CMTR1: variants seen among roughly 807,000 people sequenced by gnomAD.
CMTR1 encodes the protein cap-specific mRNA (nucleoside-2'-O-)-methyltransferase 1.
CMTR1 carries 39 observed loss-of-function variants against 107.0 expected under a neutral mutation model. That is an observed-to-expected ratio of 0.36 (90% confidence interval 0.28 to 0.48). The LOEUF (loss-of-function observed/expected upper bound fraction) is 0.48, where lower values mean the gene tolerates loss of function less well. CMTR1 is among the 20% of genes least tolerant of loss of function. CMTR1 has a pLI of 0.99. For synonymous variants in CMTR1, 366 were observed against 379.5 expected (o/e 0.96, Z 0.41); for missense variants, 672 against 1,064.9 (o/e 0.63, Z 5.14).
intron 18 of CMTR1, 116 bp downstream of exon 18, chr6:37,474,762 C>T: frequency 6.8e-7 from 1 of 1,477,922 alleles, no homozygotes; most frequent in Non-Finnish European, 9.2e-7. Flanking sequence ...TGACAGGGCC[C>T]AGGGCTGGGG....
Position 37,480,417 on chromosome 6 carries a change from T to G in CMTR1, c.*272T>G, listed in dbSNP as rs1761831285. 8 of 1,286,234 alleles carry G rather than the reference T, an allele frequency of 6.2e-6. No homozygotes were observed. Among genetic ancestry groups the G allele is most frequent in the Non-Finnish European group, 7.9e-6 (8 of 1,018,932 alleles). 79.7% of individuals were successfully genotyped at this position (1,286,234 alleles called of 1,614,324 possible). A position where few individuals can be genotyped will look rare whatever the true frequency, so the allele number is the denominator to read the frequency against. On this transcript the variant is annotated 3_prime_UTR_variant, in exon 24 of 24. Transcript: ENST00000373451. ...AGCTGCTCCTGAGGCAGGTATGAGG[T>G]CAGTGCCTAGGGCACGTGGGACTGA...
intron 8 of CMTR1, among the ~76,000 whole-genome samples, chr6:37,454,346 C>T (rs747262013): frequency 3.9e-5 from 6 of 152,222 alleles, no homozygotes; most frequent in African/African-American, 1.4e-4. Context: ...GTAGCCCCTC[C>T]AGCCATTACT....
At chr6:37,474,340 A>C (rs1268003178) in intron 17 of CMTR1, among the ~76,000 whole-genome samples, 184 bp from the exon 18 acceptor site, 1 of 152,214 alleles carries the variant, frequency 6.6e-6, no homozygotes, top group East Asian at 1.9e-4. Context: ...CTGCTGAGGC[A>C]CTGGAGAACA....
chr6:37,434,692 C>T (rs756056564), intron 1 of CMTR1, among the ~76,000 whole-genome samples: 18 of 151,564 alleles, frequency 1.2e-4, no homozygotes, highest in Non-Finnish European at 2.5e-4. Context: ...GGTGTGATCT[C>T]GGCTCACTGC....
intron 13 of CMTR1, among the ~76,000 whole-genome samples, chr6:37,464,492 G>A (rs1218406419): frequency 1.3e-5 from 2 of 151,212 alleles, no homozygotes; most frequent in South Asian, 2.1e-4. Context: ...GATAAAAAAC[G>A]TTTCCATCAC....
rs1165327116 is a variant in CMTR1 at position 37,480,600 on chromosome 6, C to T, written c.*455C>T. The T allele has an allele frequency of 1.7e-5, 18 of 1,031,094 alleles. No individual in the cohort carries two copies. The highest frequency in any genetic ancestry group is 2.1e-5 in the Non-Finnish European group (18 of 860,354). The allele number at this position is 1,031,094 out of a possible 1,614,324, so 63.9% of individuals were successfully genotyped here. ...CCATCCCTGAGTGGGTGGAGACCTG[C>T]TGTCATGAGCTGGCCAGGAGAACCT... On this transcript the variant is annotated 3_prime_UTR_variant, in exon 24 of 24. Transcript: ENST00000373451.
Position 37,481,226 on chromosome 6 carries a change from G to T in CMTR1, c.*1081G>T, listed in dbSNP as rs1306360362. On this transcript the variant is annotated 3_prime_UTR_variant, in exon 24 of 24. Coordinates refer to ENST00000373451, the MANE Select transcript of CMTR1 (RefSeq NM_015050.3). Reference sequence around the variant, plus strand: ...GAGCTGGGCAGTAGCTTGGGGTGGGGGTGGGCACCTGTGGTTGTTTTTAAT... The same window carrying T: ...GAGCTGGGCAGTAGCTTGGGGTGGGTGTGGGCACCTGTGGTTGTTTTTAAT... 3 of 1,296,588 alleles carry T rather than the reference G, an allele frequency of 2.3e-6. No individual in the cohort carries two copies. The highest frequency in any genetic ancestry group is 3.0e-6 in the Non-Finnish European group (3 of 985,064). The allele number at this position is 1,296,588 out of a possible 1,614,324, so 80.3% of individuals were successfully genotyped here. A position where few individuals can be genotyped will look rare whatever the true frequency, so the allele number is the denominator to read the frequency against.
chr6:37,441,657 G>T (rs915173854), intron 2 of CMTR1, among the ~76,000 whole-genome samples: 7 of 152,070 alleles, frequency 4.6e-5, no homozygotes, highest in Admixed American at 3.9e-4. Flanking sequence ...CAGGTGATCC[G>T]CCCGCCTCGC....
chr6:37,448,038 GTC>G (rs1305209101), intron 4 of CMTR1, among the ~76,000 whole-genome samples: 1 of 151,678 alleles, frequency 6.6e-6, no homozygotes, highest in Non-Finnish European at 1.5e-5. Flanking sequence ...GTGAAATCCC[GTC>G]TCTACTAAAA....
upstream of CMTR1, among the ~76,000 whole-genome samples, chr6:37,431,901 T>C (rs2113857638): frequency 6.6e-6 from 1 of 152,302 alleles, no homozygotes; most frequent in African/African-American, 2.4e-5. Context: ...CTGCAACCTC[T>C]GCTTCCCAGG....
At chr6:37,477,679 G>T (rs376098875) in intron 21 of CMTR1, 40 bp downstream of exon 21, 5 of 1,497,924 alleles carry the variant, frequency 3.3e-6, no homozygotes, top group African/African-American at 1.4e-5. Context: ...TCAAGAGGAG[G>T]TGGGGGTGCG....
At chr6:37,478,302 C>G in intron 21 of CMTR1, 107 bp from the exon 22 acceptor site, 1 of 891,990 alleles carries the variant, frequency 1.1e-6, no homozygotes, top group Non-Finnish European at 1.8e-6. Flanking sequence ...CATCTTAAGT[C>G]AAACCAGGAT....
In CMTR1 at chr6:37,462,000, T is replaced by G; in HGVS notation, c.1223T>G (p.Leu408Arg). 1 of 1,613,900 alleles carries G rather than the reference T, an allele frequency of 6.2e-7. No homozygotes were observed. Among genetic ancestry groups the G allele is most frequent in the Non-Finnish European group, 8.5e-7 (1 of 1,179,994 alleles). Reference protein sequence around the residue: ...GGHFICKTFDLFTPFSVGLVY... With the variant: ...GGHFICKTFDRFTPFSVGLVY... ...CACTTCATCTGTAAAACCTTTGACCTGTTCACACCGTTTAGTGTGGGGCTT... is the reference window on the plus strand; with the variant it reads ...CACTTCATCTGTAAAACCTTTGACCGGTTCACACCGTTTAGTGTGGGGCTT... The change falls in exon 12 of 24, where the codon CTG becomes CGG. Residue 408 changes from leucine to arginine, a missense_variant. Physicochemically the swap from Leu to Arg is moderately radical, Grantham distance 102. Around this residue, in one of 2 missense-constraint regions of CMTR1, gnomAD observed 583 missense variants for 968.4 expected, o/e 0.60. Transcript: ENST00000373451.
At chr6:37,459,420 G>C in intron 9 of CMTR1, 146 bp from the exon 10 acceptor site, 1 of 681,432 alleles carries the variant, frequency 1.5e-6, no homozygotes. Flanking sequence ...TGTTCCTCCT[G>C]GTCCATCACT....
chr6:37,433,717 C>T (rs904708985), intron 1 of CMTR1, among the ~76,000 whole-genome samples: 2 of 152,192 alleles, frequency 1.3e-5, no homozygotes, highest in African/African-American at 4.8e-5. Flanking sequence ...GGATTTGAAC[C>T]CCTTCTGTGC....
rs1434913184 is a variant in CMTR1 at position 37,479,327 on chromosome 6, C to T, written c.2375+72C>T. 3.8e-6 allele frequency: 4 copies of T among 1,058,392 alleles called. No homozygotes were observed. The East Asian group carries it at 7.1e-5, about 19-fold the overall frequency. The allele number at this position is 1,058,392 out of a possible 1,614,324, so 65.6% of individuals were successfully genotyped here. ...CTCCTGCAGGATGCCAGCCAGCTGTCTTGGGGGCACACCCTGGGTCCTGAG... is the reference window on the plus strand; with the variant it reads ...CTCCTGCAGGATGCCAGCCAGCTGTTTTGGGGGCACACCCTGGGTCCTGAG... On this transcript the variant is annotated intron_variant, in intron 23 of 23. Coordinates refer to ENST00000373451, the MANE Select transcript of CMTR1 (RefSeq NM_015050.3).
At chr6:37,452,822 C>T (rs1325367165) in intron 6 of CMTR1, among the ~76,000 whole-genome samples, 1 of 152,026 alleles carries the variant, frequency 6.6e-6, no homozygotes, top group Non-Finnish European at 1.5e-5. Context: ...TAAACACTTG[C>T]CATGTGCCAG....
Position 37,467,421 on chromosome 6 carries a change from C to T in CMTR1, c.1506-3600C>T, listed in dbSNP as rs372263445. 5.9e-5 allele frequency among the ~76,000 whole-genome samples: 9 copies of T among 152,296 alleles called. No homozygotes were observed. The East Asian group carries it at 1.2e-3, about 20-fold the overall frequency. On this transcript the variant is annotated intron_variant, in intron 13 of 23. Coordinates refer to ENST00000373451, the MANE Select transcript of CMTR1 (RefSeq NM_015050.3). ...TAATGAAGCTTATTTTATGACCCAT[C>T]ATATGCTCTATCTTGGTGTTGCTTG...
At chr6:37,477,273 G>A (rs1761758117) in intron 20 of CMTR1, among the ~76,000 whole-genome samples, 1 of 152,334 alleles carries the variant, frequency 6.6e-6, no homozygotes, top group Middle Eastern at 3.4e-3. Flanking sequence ...ACTTGGGGGT[G>A]GGAATGCTGA....
Sources: gnomAD v4.1 joint callset for allele counts (sites outside exome capture counted in the v4.1 genomes callset) on GRCh38, gnomAD v4.1.1 for gene constraint, gnomAD v4.1.1 regional missense constraint, MANE v1.5 for transcripts, NCBI Gene and HGNC (gene_info 2026-07-23, HGNC 2026-07-21) for gene names.